The following RIC3 variants were observed in gnomAD, a reference collection of about 807,000 sequenced individuals.
The protein encoded by RIC3 is RIC3 acetylcholine receptor chaperone.
In RIC3, 28 loss-of-function variants were observed where a neutral mutation model predicts 27.3. The observed-to-expected ratio is 1.02, with a 90% CI of 0.76 to 1.41. The LOEUF is 1.41. RIC3 is among the 40% of genes most tolerant of loss of function. The pLI is 0.00. For missense variants in RIC3, 501 were observed against 444.7 expected (o/e 1.13, Z -1.14); for synonymous variants, 184 against 160.4 (o/e 1.15, Z -1.11).
intron 4 of RIC3, among the ~76,000 whole-genome samples, chr11:8,127,904 C>A (rs1007069055): frequency 3.3e-5 from 5 of 152,184 alleles, no homozygotes; most frequent in African/African-American, 1.2e-4. Flanking sequence ...GAGTATTTCT[C>A]CTTTCAACAT....
chr11:8,137,327 A>G, intron 4 of RIC3, 51 bp downstream of exon 4: 1 of 1,553,248 alleles, frequency 6.4e-7, no homozygotes, highest in African/African-American at 1.4e-5. Context: ...CCCAGCCTGA[A>G]TTTATTTTCT....
chr11:8,098,895 G>T, the RIC3 span: 5 of 1,559,910 alleles, frequency 3.2e-6, no homozygotes, highest in Non-Finnish European at 4.4e-6. Context: ...AGGTTCGGGG[G>T]TCTCTGATTT....
chr11:8,168,782 A>G, intron 1 of RIC3, 84 bp downstream of exon 1: 1 of 1,513,314 alleles, frequency 6.6e-7, no homozygotes, highest in South Asian at 1.3e-5. Context: ...AAGGCTGCAG[A>G]CTCTCAGAGT....
Position 8,169,010 on chromosome 11 carries a change from G to C in RIC3, c.-21C>G. On this transcript the variant is annotated 5_prime_UTR_variant, in exon 1 of 6. Coordinates refer to ENST00000309737, the MANE Select transcript of RIC3 (RefSeq NM_001206671.4). ...GCCATGACTGCTCACGGTGGTCGCA[G>C]GTGCAGACGCCAGCCGGAACCGGAA... is the stretch of plus-strand genomic sequence containing the variant. 10 of 1,548,884 alleles carry C rather than the reference G, an allele frequency of 6.5e-6. No individual in the cohort carries two copies. The highest frequency in any genetic ancestry group is 6.0e-5 in the South Asian group (5 of 83,340).
chr11:8,160,651 T>C (rs976100367), intron 1 of RIC3, among the ~76,000 whole-genome samples: 1 of 151,988 alleles, frequency 6.6e-6, no homozygotes, highest in African/African-American at 2.4e-5. Flanking sequence ...GCAAGGAAAA[T>C]GCTAAAAACT....
At chr11:8,133,445 G>C (rs532570401) in intron 4 of RIC3, among the ~76,000 whole-genome samples, 1 of 152,286 alleles carries the variant, frequency 6.6e-6, no homozygotes, top group East Asian at 1.9e-4. Flanking sequence ...GTGTCAGAGA[G>C]AAAAATCACA....
At chr11:8,149,159 C>T (rs1377281993) in intron 1 of RIC3, among the ~76,000 whole-genome samples, 1 of 151,576 alleles carries the variant, frequency 6.6e-6, no homozygotes, top group Non-Finnish European at 1.5e-5. Flanking sequence ...CACCACTGCA[C>T]TCCAGCCTGG....
At chr11:8,132,100 T>G (rs1345954836) in intron 4 of RIC3, among the ~76,000 whole-genome samples, 1 of 151,518 alleles carries the variant, frequency 6.6e-6, no homozygotes. Flanking sequence ...CTGCCAGAGG[T>G]TGCACCCTCC....
At chr11:8,143,692 T>C (rs2133978599) in intron 1 of RIC3, among the ~76,000 whole-genome samples, 1 of 152,156 alleles carries the variant, frequency 6.6e-6, no homozygotes, top group Non-Finnish European at 1.5e-5. Flanking sequence ...AAAGTTCATA[T>C]GGAACCAAAA....
chr11:8,128,029 A>G (rs1947196556), intron 4 of RIC3, among the ~76,000 whole-genome samples: 1 of 152,220 alleles, frequency 6.6e-6, no homozygotes, highest in Non-Finnish European at 1.5e-5. Context: ...ATGAACTACT[A>G]AAGATGCCTG....
At position 8,125,678 on chromosome 11, in the gene RIC3, G is replaced by A. The variant is rs139759264; in HGVS notation, c.670+981C>T. Among the ~76,000 whole-genome samples, 984 of 152,302 alleles carry A rather than the reference G, an allele frequency of 6.5e-3. 22 individuals are homozygous for A. The highest frequency in any genetic ancestry group is 0.051 in the Admixed American group (784 of 15,292). On this transcript the variant is annotated intron_variant, in intron 5 of 5. Coordinates refer to ENST00000309737, the MANE Select transcript of RIC3 (RefSeq NM_001206671.4). ...GGAGGAACTTTAATTGCCATACACC[G>A]CTGGTGGGAAGGGAAAAAGTAGACC...
rs1000255676 is a variant in RIC3, at chr11:8,160,163, T to C, written c.124+8703A>G. ...GTGGCTACATTTTAATAAGAATCTG[T>C]TTTTAGAGATGCATACTGAAGCATT... On this transcript the variant is annotated intron_variant, in intron 1 of 5. Coordinates refer to ENST00000309737, the MANE Select transcript of RIC3 (RefSeq NM_001206671.4). Among the ~76,000 whole-genome samples the C allele has an allele frequency of 7.2e-5, 11 of 152,258 alleles. No homozygotes were observed. The South Asian group carries it at 2.3e-3, about 32-fold the overall frequency.
At chr11:8,094,411 G>C in the RIC3 span, among the ~76,000 whole-genome samples, 16 of 152,224 alleles carry the variant, frequency 1.1e-4, no homozygotes, top group East Asian at 1.4e-3. Flanking sequence ...CACACTGCCA[G>C]GAAGTGAAGT....
intron 5 of RIC3, among the ~76,000 whole-genome samples, chr11:8,123,792 C>A (rs1300774301): frequency 2.6e-5 from 4 of 151,866 alleles, no homozygotes; most frequent in African/African-American, 9.7e-5. Flanking sequence ...ATAATCCCAG[C>A]ATTTTGGAGG....
At position 8,140,010 on chromosome 11, in the gene RIC3, T is replaced by C. The variant is rs752613307; in HGVS notation, c.308A>G (p.Tyr103Cys). ...RGLMGQIIPIYGFGIFLYILY... is the reference protein window; with the variant it reads ...RGLMGQIIPICGFGIFLYILY... ...TATATATAAAAAAATCCCAAAACCG[T>C]AGATTGGAATAATCTGCCCCATCAG... The change falls in exon 2 of 6, where the codon TAC (tyrosine) becomes TGC (cysteine). Residue 103 changes from tyrosine (Y) to cysteine (C), a missense_variant. Tyr to Cys is a radical substitution (Grantham distance 194, BLOSUM62 -2). Coordinates refer to ENST00000309737, the MANE Select transcript of RIC3 (RefSeq NM_001206671.4). 20 of 1,614,022 alleles carry C rather than the reference T, an allele frequency of 1.2e-5. No homozygotes were observed. The highest frequency in any genetic ancestry group is 1.2e-4 in the South Asian group (11 of 91,082).
the RIC3 span, chr11:8,100,919 C>A: frequency 6.2e-7 from 1 of 1,614,176 alleles, no homozygotes; most frequent in Non-Finnish European, 8.5e-7. Flanking sequence ...TGATGACACA[C>A]AGTCCTATGT....
At chr11:8,097,907 C>G in the RIC3 span, 1 of 1,074,840 alleles carries the variant, frequency 9.3e-7, no homozygotes, top group African/African-American at 1.6e-5. Context: ...CTGAATCTTC[C>G]TGAAGGAGAT....
rs1189410759 is a variant in RIC3, at chr11:8,168,900, G to A, written c.90C>T (p.Arg30=). 1.6e-5 allele frequency: 25 copies of A among 1,611,650 alleles called. No homozygotes were observed. The highest frequency in any genetic ancestry group is 2.1e-5 in the Non-Finnish European group (25 of 1,179,020). The change falls in exon 1 of 6, where the codon CGC becomes CGT. Residue 30 remains arginine (R), a synonymous_variant. Transcript: ENST00000309737. ...TCGGCGGCGGCTCCTGCCGCTTCCC[G>A]CGGGACAGGAAGGCCTTGGGCAGCA... ...SLLLPKAFLS[R]GKRQEPPPTP...
chr11:8,123,072 GA>G (rs1174251455), intron 5 of RIC3, among the ~76,000 whole-genome samples: 1 of 151,894 alleles, frequency 6.6e-6, no homozygotes, highest in African/African-American at 2.4e-5. Flanking sequence ...TTCTAGAGAT[GA>G]TAATGTCTGA....
Sources: allele counts gnomAD v4.1 joint callset (sites outside exome capture counted in the v4.1 genomes callset), GRCh38; gene constraint gnomAD v4.1.1; transcripts MANE v1.5; gene names NCBI Gene and HGNC (gene_info 2026-07-23, HGNC 2026-07-21).